COL13A1: variants seen among roughly 807,000 people sequenced by gnomAD.
The protein encoded by COL13A1 is collagen type XIII alpha 1 chain, also known as collagen alpha-1(XIII) chain.
In COL13A1, 89 loss-of-function variants were observed where a neutral mutation model predicts 130.9. That is an observed-to-expected ratio of 0.68 (90% confidence interval 0.57 to 0.81). The LOEUF is 0.81. Among genes scored for constraint, COL13A1 ranks in the 30% least tolerant of loss-of-function variants. COL13A1 has a pLI of 0.00. For missense variants in COL13A1, 879 were observed against 934.6 expected (o/e 0.94, Z 0.78); for synonymous variants, 402 against 341.6 (o/e 1.18, Z -1.95).
intron 1 of COL13A1, among the ~76,000 whole-genome samples, chr10:69,817,471 G>A (rs1247594190): frequency 6.6e-6 from 1 of 151,914 alleles, no homozygotes; most frequent in African/African-American, 2.4e-5. Context: ...AAACTCCCAG[G>A]ACAGTGCAAT....
chr10:69,934,462 G>T (rs1014282563), intron 31 of COL13A1, among the ~76,000 whole-genome samples: 1 of 152,198 alleles, frequency 6.6e-6, no homozygotes, highest in Non-Finnish European at 1.5e-5. Context: ...CAGTGTAGGG[G>T]TGCCCTCTGT....
At chr10:69,935,415 G>T (rs1161668615) in intron 32 of COL13A1, 24 bp downstream of exon 32, 11 of 1,529,876 alleles carry the variant, frequency 7.2e-6, no homozygotes, top group Non-Finnish European at 9.7e-6. Context: ...GCTTGTCAGT[G>T]GCCAGTCCAC....
intron 2 of COL13A1, among the ~76,000 whole-genome samples, chr10:69,831,987 C>T (rs772300661): frequency 9.2e-5 from 14 of 152,148 alleles, no homozygotes; most frequent in Non-Finnish European, 2.1e-4. Flanking sequence ...TTAGTTGCCA[C>T]GATGATGGTG....
chr10:69,830,246 C>T (rs1007347084), intron 2 of COL13A1, among the ~76,000 whole-genome samples: 1 of 152,162 alleles, frequency 6.6e-6, no homozygotes, highest in Non-Finnish European at 1.5e-5. Flanking sequence ...GAGAAATGCT[C>T]GTCTGTGCGT....
At position 69,904,967 on chromosome 10, in the gene COL13A1, T is replaced by A. The variant is rs369265018; in HGVS notation, c.885+8T>A. ...GGGCCTCCTGGACCAAAGGTGAGTG[T>A]CCTTCTGGGTGATGTGTTGAACAGG... On this transcript the variant is annotated splice_region_variant and intron_variant, in intron 16 of 40. Transcript: ENST00000645393. The A allele has an allele frequency of 1.1e-4, 168 of 1,559,886 alleles. No homozygotes were observed. Among genetic ancestry groups the A allele is most frequent in the Non-Finnish European group, 1.4e-4 (165 of 1,151,214 alleles).
At chr10:69,953,061 C>T in intron 39 of COL13A1, 93 bp downstream of exon 39, 1 of 911,578 alleles carries the variant, frequency 1.1e-6, no homozygotes, top group Non-Finnish European at 1.6e-6. Flanking sequence ...AAGATGAGAA[C>T]CAAATGTCTA....
At chr10:69,843,420 C>T (rs770712630) in intron 2 of COL13A1, among the ~76,000 whole-genome samples, 6 of 152,160 alleles carry the variant, frequency 3.9e-5, no homozygotes, top group African/African-American at 9.7e-5. Context: ...ATCTACACTG[C>T]GGTGTCCATT....
intron 22 of COL13A1, 81 bp downstream of exon 22, chr10:69,922,016 C>T (rs1490049100): frequency 2.0e-6 from 3 of 1,470,584 alleles, no homozygotes; most frequent in African/African-American, 1.4e-5. Flanking sequence ...ACACAGGCCC[C>T]AGCATTGGAC....
At chr10:69,867,384 G>A (rs757501630) in intron 2 of COL13A1, among the ~76,000 whole-genome samples, 4 of 152,210 alleles carry the variant, frequency 2.6e-5, no homozygotes, top group South Asian at 2.1e-4. Context: ...GTGAGGACAC[G>A]GGCATGCTAA....
intron 21 of COL13A1, 77 bp downstream of exon 21, chr10:69,919,804 GGCTGGTGTGTC>G: frequency 2.5e-6 from 1 of 398,642 alleles, no homozygotes; most frequent in Non-Finnish European, 4.4e-6. Context: ...CTTCCTCCAT[GGCTGGTGTGTC>G]GCCTGCAGCG....
chr10:69,949,940 G>GTGTGTGTT (rs2069157707), intron 38 of COL13A1, among the ~76,000 whole-genome samples: 6 of 143,996 alleles, frequency 4.2e-5, no homozygotes, highest in Admixed American at 1.4e-4. Flanking sequence ...TTGTGTGTGT[G>GTGTGTGTT]TGTGTGTGCG....
intron 14 of COL13A1, among the ~76,000 whole-genome samples, chr10:69,899,977 T>A (rs1200671153): frequency 6.6e-6 from 1 of 152,108 alleles, no homozygotes; most frequent in African/African-American, 2.4e-5. Flanking sequence ...AATTAACAGC[T>A]AAAAATACAG....
intron 1 of COL13A1, among the ~76,000 whole-genome samples, chr10:69,806,823 A>G (rs911549368): frequency 1.3e-5 from 2 of 152,206 alleles, no homozygotes; most frequent in Non-Finnish European, 2.9e-5. Flanking sequence ...CCTGACCAAC[A>G]TGGTGAAAAC....
intron 37 of COL13A1, among the ~76,000 whole-genome samples, chr10:69,946,986 C>T (rs370810451): frequency 1.6e-4 from 25 of 152,254 alleles, no homozygotes; most frequent in African/African-American, 5.8e-4. Flanking sequence ...GACGGGCTTT[C>T]ACCTCGTTGG....
chr10:69,866,619 C>T (rs572492466), intron 2 of COL13A1, among the ~76,000 whole-genome samples: 1 of 148,300 alleles, frequency 6.7e-6, no homozygotes, highest in Non-Finnish European at 1.5e-5. Context: ...ATGCAAGGCC[C>T]GGGCCTGGGG....
chr10:69,821,313 G>A (rs1846016828), intron 1 of COL13A1, among the ~76,000 whole-genome samples: 1 of 152,136 alleles, frequency 6.6e-6, no homozygotes, highest in Non-Finnish European at 1.5e-5. Context: ...TTGGCCCTGG[G>A]GCTACCAGCT....
chr10:69,831,007 C>T (rs1472025292), intron 2 of COL13A1, among the ~76,000 whole-genome samples: 1 of 152,216 alleles, frequency 6.6e-6, no homozygotes, highest in African/African-American at 2.4e-5. Flanking sequence ...TGTATCAGTA[C>T]TTCATTCCTT....
chr10:69,874,086 C>G (rs2134133003), intron 4 of COL13A1, among the ~76,000 whole-genome samples: 1 of 152,348 alleles, frequency 6.6e-6, no homozygotes, highest in Non-Finnish European at 1.5e-5. Context: ...CACAGCTACC[C>G]TGCCATTCTT....
intron 23 of COL13A1, 68 bp from the exon 24 acceptor site, chr10:69,923,734 C>T (rs1589546819): frequency 1.3e-6 from 2 of 1,559,180 alleles, no homozygotes; most frequent in East Asian, 4.8e-5. Flanking sequence ...GCAAGACCAT[C>T]TTTTCCCTCA....
Sources: allele counts gnomAD v4.1 joint callset (sites outside exome capture counted in the v4.1 genomes callset), GRCh38; gene constraint gnomAD v4.1.1; transcripts MANE v1.5; gene names NCBI Gene and HGNC (gene_info 2026-07-23, HGNC 2026-07-21).